KIF16B: variants seen among roughly 807,000 people sequenced by gnomAD.
KIF16B encodes kinesin-like protein KIF16B.
In KIF16B, 98 loss-of-function variants were observed where a neutral mutation model predicts 156.3. The observed-to-expected ratio is 0.63, with a 90% CI of 0.53 to 0.74. KIF16B has a LOEUF of 0.74. KIF16B is among the 30% of genes least tolerant of loss of function. The pLI, the probability that KIF16B is intolerant of heterozygous loss-of-function variation, is 0.00. For synonymous variants in KIF16B, 564 were observed against 583.7 expected, an observed-to-expected ratio of 0.97 and a Z score of 0.49; for missense variants, 1,421 against 1,606.5, an observed-to-expected ratio of 0.88 and a Z score of 1.97.
chr20:16,349,650 C>T (rs1299969206), intron 23 of KIF16B, among the ~76,000 whole-genome samples: 1 of 152,228 alleles, frequency 6.6e-6, no homozygotes, highest in Non-Finnish European at 1.5e-5. Context: ...TCCTCCACCA[C>T]CAGTTTGCAC....
intron 12 of KIF16B, among the ~76,000 whole-genome samples, chr20:16,455,656 T>A (rs193264420): frequency 3.9e-4 from 60 of 152,184 alleles, no homozygotes; most frequent in Admixed American, 3.5e-3. Context: ...ATTTTGCATA[T>A]AATAAAGACA....
At chr20:16,424,453 C>G (rs17671618) in intron 15 of KIF16B, among the ~76,000 whole-genome samples, 24,057 of 152,060 alleles carry the variant, frequency 0.16, 1,939 homozygotes, top group African/African-American at 0.19. Flanking sequence ...TTGGCTAACC[C>G]TGAATAAACT....
intron 1 of KIF16B, among the ~76,000 whole-genome samples, chr20:16,542,216 C>G (rs1270313509): frequency 6.6e-6 from 1 of 152,102 alleles, no homozygotes; most frequent in East Asian, 1.9e-4. Context: ...AATGAGTTAC[C>G]TTAAGATGTG....
rs1218014015 is a variant in KIF16B at position 16,379,061 on chromosome 20, G to A, written c.2941C>T (p.Arg981Cys). 11 of 1,611,346 alleles carry A rather than the reference G, an allele frequency of 6.8e-6. No individual in the cohort carries two copies. Among genetic ancestry groups the A allele is most frequent in the Admixed American group, 1.7e-5 (1 of 59,726 alleles). Reference protein sequence around the residue: ...ATFEFTANIARQEEKVRKKEK... With the variant: ...ATFEFTANIACQEEKVRKKEK... ...TTTTTCCTCACTTTTTCCTCCTGAC[G>A]TGCAATGTTGGCAGTGAATTCAAAG... Residue 981 changes from arginine to cysteine, a missense_variant, in exon 19 of 26, where the codon CGT becomes TGT. By Grantham distance (180) the Arg-to-Cys change is radical. Coordinates refer to ENST00000354981, the MANE Select transcript of KIF16B (RefSeq NM_024704.5).
At chr20:16,335,694 C>T (rs1335021209) in intron 24 of KIF16B, among the ~76,000 whole-genome samples, 2 of 152,092 alleles carry the variant, frequency 1.3e-5, no homozygotes, top group African/African-American at 4.8e-5. Flanking sequence ...ATATCACTTT[C>T]AAAATCTTCT....
At chr20:16,462,412 A>G (rs968305623) in intron 12 of KIF16B, among the ~76,000 whole-genome samples, 1 of 152,128 alleles carries the variant, frequency 6.6e-6, no homozygotes, top group Non-Finnish European at 1.5e-5. Flanking sequence ...AATTTTCTAC[A>G]GTACACTTGA....
chr20:16,327,306 G>C (rs909863835), intron 24 of KIF16B, among the ~76,000 whole-genome samples: 1 of 151,762 alleles, frequency 6.6e-6, no homozygotes, highest in African/African-American at 2.4e-5. Context: ...GTGGGAGGGG[G>C]GATTAGGGAT....
At chr20:16,393,067 T>A (rs2065408758) in intron 17 of KIF16B, among the ~76,000 whole-genome samples, 1 of 152,176 alleles carries the variant, frequency 6.6e-6, no homozygotes, top group Admixed American at 6.5e-5. Flanking sequence ...ATTAAATGTT[T>A]AAAAAAAGTA....
At chr20:16,477,431 T>C (rs2067852289) in intron 12 of KIF16B, among the ~76,000 whole-genome samples, 1 of 152,286 alleles carries the variant, frequency 6.6e-6, no homozygotes, top group East Asian at 1.9e-4. Context: ...GAAATCGGCA[T>C]AGAGTAAAAG....
intron 1 of KIF16B, among the ~76,000 whole-genome samples, chr20:16,554,170 G>T (rs1010618353): frequency 6.6e-6 from 1 of 152,330 alleles, no homozygotes; most frequent in South Asian, 2.1e-4. Context: ...TGCGGACCAG[G>T]CTGCCAATCC....
intron 24 of KIF16B, among the ~76,000 whole-genome samples, chr20:16,315,094 A>T (rs2063677482): frequency 6.6e-6 from 1 of 152,146 alleles, no homozygotes; most frequent in Non-Finnish European, 1.5e-5. Flanking sequence ...CTCAATCAGA[A>T]GTCGTGCAAT....
intron 25 of KIF16B, among the ~76,000 whole-genome samples, chr20:16,311,471 G>T (rs143293093): frequency 1.3e-5 from 2 of 152,326 alleles, no homozygotes; most frequent in African/African-American, 4.8e-5. Flanking sequence ...CTGGGCAACA[G>T]AGCGAGACTC....
chr20:16,374,422 G>C lies in KIF16B; in HGVS notation c.3198-13C>G. Reference sequence around the variant, plus strand: ...TTCATATTCTAACCTACACAGATAGGAGCCACATAATTCATTCATTAATAG... The same window carrying C: ...TTCATATTCTAACCTACACAGATAGCAGCCACATAATTCATTCATTAATAG... On this transcript the variant is annotated splice_polypyrimidine_tract_variant and intron_variant, in intron 19 of 25. Coordinates refer to ENST00000354981, the MANE Select transcript of KIF16B (RefSeq NM_024704.5). 1 of 1,516,706 alleles carries C rather than the reference G, an allele frequency of 6.6e-7. No individual in the cohort carries two copies. Among genetic ancestry groups the C allele is most frequent in the Non-Finnish European group, 8.9e-7 (1 of 1,125,196 alleles). 94.0% of individuals were successfully genotyped at this position (1,516,706 alleles called of 1,614,324 possible).
chr20:16,282,194 G>A (rs1169021915), intron 25 of KIF16B, among the ~76,000 whole-genome samples: 1 of 151,944 alleles, frequency 6.6e-6, no homozygotes, highest in Non-Finnish European at 1.5e-5. Context: ...ACCATGCCTG[G>A]CTAATTTTTG....
At chr20:16,478,292 T>A (rs2067876077) in intron 12 of KIF16B, among the ~76,000 whole-genome samples, 1 of 151,946 alleles carries the variant, frequency 6.6e-6, no homozygotes, top group Non-Finnish European at 1.5e-5. Context: ...GTGCATAACA[T>A]GAAAAGGACA....
intron 12 of KIF16B, among the ~76,000 whole-genome samples, chr20:16,489,155 G>C (rs924052337): frequency 6.6e-6 from 1 of 152,200 alleles, no homozygotes; most frequent in South Asian, 2.1e-4. Flanking sequence ...CCGAGGGCAA[G>C]GCTATGTCAC....
At chr20:16,327,360 G>C (rs562299577) in intron 24 of KIF16B, among the ~76,000 whole-genome samples, 2 of 151,634 alleles carry the variant, frequency 1.3e-5, no homozygotes, top group East Asian at 1.9e-4. Context: ...TCAAGTGATG[G>C]GTATACCAAA....
At chr20:16,348,732 C>A (rs562002147) in intron 23 of KIF16B, among the ~76,000 whole-genome samples, 120 of 152,276 alleles carry the variant, frequency 7.9e-4, no homozygotes, top group African/African-American at 2.7e-3. Context: ...CAAAACAGAT[C>A]TAGGATAGTA....
chr20:16,391,953 G>T (rs1283551437), intron 17 of KIF16B, among the ~76,000 whole-genome samples: 2 of 152,192 alleles, frequency 1.3e-5, no homozygotes, highest in Admixed American at 6.5e-5. Flanking sequence ...GAGCTTCACA[G>T]CCAGAAACAC....
Sources: allele counts gnomAD v4.1 joint callset (sites outside exome capture counted in the v4.1 genomes callset), GRCh38; gene constraint gnomAD v4.1.1; transcripts MANE v1.5; gene names NCBI Gene and HGNC (gene_info 2026-07-23, HGNC 2026-07-21).